Variants in ZNF536 observed in about 807,000 individuals in gnomAD.
ZNF536 encodes zinc finger protein 536.
ZNF536 carries 13 observed loss-of-function variants against 84.5 expected under a neutral mutation model. The ratio of observed to expected loss-of-function variants is 0.15; its 90% CI spans 0.10 to 0.24. ZNF536 has a LOEUF of 0.24. ZNF536 is among the 10% of genes least tolerant of loss of function. ZNF536 has a pLI of 1.00. For missense variants in ZNF536, 1,536 were observed against 1,747.5 expected (o/e 0.88, Z 2.16); for synonymous variants, 811 against 742.5 (o/e 1.09, Z -1.50).
intron 1 of ZNF536, among the ~76,000 whole-genome samples, chr19:30,396,258 A>G (rs929348883): frequency 6.6e-6 from 1 of 152,198 alleles, no homozygotes; most frequent in Non-Finnish European, 1.5e-5. Flanking sequence ...TTTTGCCTGT[A>G]GATGGGAATT....
At chr19:30,601,558 C>T (rs977579067) in intron 1 of ZNF536, among the ~76,000 whole-genome samples, 44 of 152,296 alleles carry the variant, frequency 2.9e-4, no homozygotes, top group Admixed American at 4.6e-4. Flanking sequence ...GCATCTCTGC[C>T]ATCAGAAGGA....
intron 2 of ZNF536, among the ~76,000 whole-genome samples, chr19:30,325,932 G>A (rs575568100): frequency 6.6e-6 from 1 of 152,258 alleles, no homozygotes; most frequent in South Asian, 2.1e-4. Context: ...CTCTACTGTG[G>A]AGCCCCTCCC....
intron 1 of ZNF536, among the ~76,000 whole-genome samples, chr19:30,707,917 G>A (rs557191158): frequency 3.3e-5 from 5 of 151,190 alleles, no homozygotes; most frequent in African/African-American, 7.3e-5. Context: ...AGTCTAAGGC[G>A]GGAGAATCAC....
At chr19:30,556,083 T>A (rs1490084041) in intron 4 of ZNF536, 1 of 152,238 alleles carries the variant, frequency 6.6e-6, no homozygotes, top group Non-Finnish European at 1.5e-5. Context: ...AGACTATGGA[T>A]AAAGCACACC....
At chr19:30,296,247 A>AG (rs1231474808) in intron 2 of ZNF536, 1 of 152,364 alleles carries the variant, frequency 6.6e-6, no homozygotes, top group East Asian at 1.9e-4. Context: ...CTGATTGGTA[A>AG]GGGCAGTGGA....
At chr19:30,429,078 G>C (rs1398663377) in intron 1 of ZNF536, among the ~76,000 whole-genome samples, 2 of 152,180 alleles carry the variant, frequency 1.3e-5, no homozygotes, top group East Asian at 3.9e-4. Flanking sequence ...TGGTTTAAGG[G>C]GGTGGAGGAG....
intron 1 of ZNF536, among the ~76,000 whole-genome samples, chr19:30,636,340 G>T (rs1349502025): frequency 6.6e-6 from 1 of 152,166 alleles, no homozygotes; most frequent in Non-Finnish European, 1.5e-5. Context: ...GTGGGGGAAG[G>T]GATTGGGGAC....
chr19:30,679,890 T>G lies in ZNF536; in HGVS notation c.170-30867T>G, dbSNP rs73540862. On this transcript the variant is annotated intron_variant, in intron 1 of 1. Transcript: ENST00000592773. ...GGGCATCCAGCCCACCTGGCCCACATCGGGAACTGGAGTTACTTGCCAGAT... is the reference window on the plus strand; with the variant it reads ...GGGCATCCAGCCCACCTGGCCCACAGCGGGAACTGGAGTTACTTGCCAGAT... Among the ~76,000 whole-genome samples the G allele has an allele frequency of 6.0e-3, 911 of 152,334 alleles. 14 individuals carry two copies. The highest frequency in any genetic ancestry group is 0.021 in the African/African-American group (880 of 41,574).
At chr19:30,692,743 A>C (rs1298935157) in intron 1 of ZNF536, among the ~76,000 whole-genome samples, 1 of 152,144 alleles carries the variant, frequency 6.6e-6, no homozygotes, top group African/African-American at 2.4e-5. Flanking sequence ...TTTAAAGGGG[A>C]GAGGGTTCAG....
At chr19:30,254,138 A>T (rs1034995609) in intron 1 of ZNF536, among the ~76,000 whole-genome samples, 1 of 152,220 alleles carries the variant, frequency 6.6e-6, no homozygotes, top group Non-Finnish European at 1.5e-5. Flanking sequence ...ATACTTAGTG[A>T]AAAGAAAGAT....
At chr19:30,621,576 G>C (rs925061681) in intron 1 of ZNF536, among the ~76,000 whole-genome samples, 2 of 152,228 alleles carry the variant, frequency 1.3e-5, no homozygotes, top group African/African-American at 2.4e-5. Flanking sequence ...CCAAGCGCCA[G>C]ACCTAAAAAC....
In ZNF536 at chr19:30,548,616, A is replaced by G. The variant is rs1458821897; in HGVS notation, c.2997A>G (p.Ala999=). The change falls in exon 4 of 5, where the codon GCA becomes GCG. Residue 999 remains alanine, a synonymous_variant. Coordinates refer to ENST00000355537, the MANE Select transcript of ZNF536 (RefSeq NM_014717.3). ...GSSVTVQDSI[A]WHGCLFCAFT... The stretch of plus-strand genomic sequence containing the variant: ...CGGTAACTGTGCAGGACAGCATTGC[A>G]TGGCACGGCTGCTTGTTTTGTGCTT... 1.9e-6 allele frequency: 3 copies of G among 1,614,002 alleles called. No individual in the cohort carries two copies. Among genetic ancestry groups the G allele is most frequent in the African/African-American group, 2.7e-5 (2 of 74,926 alleles).
rs574868531 is a variant in ZNF536 at position 30,435,341 on chromosome 19, G to A, written c.-2-8220G>A. 4.7e-5 allele frequency among the ~76,000 whole-genome samples: 7 copies of A among 148,554 alleles called. No individual in the cohort carries two copies. In the East Asian group the frequency reaches 1.2e-3, roughly 26 times the overall value. On this transcript the variant is annotated intron_variant, in intron 1 of 4. Coordinates refer to ENST00000355537, the MANE Select transcript of ZNF536 (RefSeq NM_014717.3). ...GATGGTGGTGATGATGATGGTGATG[G>A]TGGTGATGCTGATGCTGGTGATGGT...
At chr19:30,652,429 G>T (rs1222169379) in intron 1 of ZNF536, among the ~76,000 whole-genome samples, 1 of 152,164 alleles carries the variant, frequency 6.6e-6, no homozygotes, top group Non-Finnish European at 1.5e-5. Flanking sequence ...TAAATGTCGT[G>T]AATGGAAGGG....
intron 1 of ZNF536, among the ~76,000 whole-genome samples, chr19:30,688,569 C>T (rs1229207630): frequency 2.6e-5 from 4 of 152,082 alleles, no homozygotes; most frequent in Non-Finnish European, 4.4e-5. Context: ...ATATATTCCG[C>T]GATACACATT....
At chr19:30,381,882 A>G (rs2049036616) in intron 1 of ZNF536, among the ~76,000 whole-genome samples, 1 of 152,158 alleles carries the variant, frequency 6.6e-6, no homozygotes, top group South Asian at 2.1e-4. Context: ...CCATCCTAAT[A>G]TCCTTGAAGT....
upstream of ZNF536, among the ~76,000 whole-genome samples, chr19:30,226,106 C>T (rs1362476464): frequency 6.6e-6 from 1 of 151,896 alleles, no homozygotes; most frequent in Non-Finnish European, 1.5e-5. The surrounding 1 kb of genome is among the most constrained non-coding windows in gnomAD (Gnocchi z 4.6). Flanking sequence ...GGCCTGGCGC[C>T]CGGCGCGCGA....
chr19:30,423,807 G>C (rs941600138), intron 1 of ZNF536, among the ~76,000 whole-genome samples: 1 of 152,156 alleles, frequency 6.6e-6, no homozygotes. Context: ...GGGGAACGGG[G>C]GCCTGGGAGC....
At chr19:30,610,772 G>A (rs1396422496) in intron 1 of ZNF536, among the ~76,000 whole-genome samples, 1 of 152,144 alleles carries the variant, frequency 6.6e-6, no homozygotes, top group African/African-American at 2.4e-5. Flanking sequence ...GTGGAGGCGG[G>A]TGGGGGGGAT....
Sources: allele counts gnomAD v4.1 joint callset (sites outside exome capture counted in the v4.1 genomes callset), GRCh38; gene constraint gnomAD v4.1.1; non-coding constraint Gnocchi (gnomAD v3.1); transcripts MANE v1.5; gene names NCBI Gene and HGNC (gene_info 2026-07-23, HGNC 2026-07-21).